KDM2A: variants seen among roughly 807,000 people sequenced by gnomAD.
KDM2A encodes the protein lysine-specific demethylase 2A.
Under a neutral mutation model 137.3 loss-of-function variants are expected in KDM2A, and 3 were observed. The ratio of observed to expected loss-of-function variants is 0.02; its 90% CI spans 0.01 to 0.06. The LOEUF is 0.06. Among genes scored for constraint, KDM2A ranks in the 10% least tolerant of loss-of-function variants. KDM2A has a pLI of 1.00. For missense variants in KDM2A, 738 were observed against 1,510.6 expected (o/e 0.49, Z 8.48); for synonymous variants, 512 against 541.5 (o/e 0.95, Z 0.76).
intron 2 of KDM2A, among the ~76,000 whole-genome samples, chr11:67,135,194 G>A (rs896344669): frequency 2.0e-5 from 3 of 151,764 alleles, no homozygotes; most frequent in African/African-American, 4.8e-5. Flanking sequence ...TCAGCCTCCC[G>A]AGTAGCTGGG....
rs1404968866 is a variant in KDM2A, at chr11:67,213,950, C to A, written c.487-1390C>A. 5.3e-5 allele frequency among the ~76,000 whole-genome samples: 8 copies of A among 152,190 alleles called. 1 individual carries two copies. The highest frequency in any genetic ancestry group is 4.8e-5 in the African/African-American group (2 of 41,530). On this transcript the variant is annotated intron_variant, in intron 6 of 20. Coordinates refer to ENST00000529006, the MANE Select transcript of KDM2A (RefSeq NM_012308.3). ...TGATCGTAGCTTACTGCAGCCTCAA[C>A]CTCCTGGGTTTAAGCAAACCTCCCA...
At chr11:67,242,696 G>A (rs1243747132) in intron 12 of KDM2A, among the ~76,000 whole-genome samples, 2 of 152,064 alleles carry the variant, frequency 1.3e-5, no homozygotes, top group Non-Finnish European at 2.9e-5. Context: ...AGTAGAGATG[G>A]GTCTTGCTGT....
rs1208777707 is a variant in KDM2A, at chr11:67,202,783, AAAAAG to A, written c.308-4718_308-4714del. Among the ~76,000 whole-genome samples, 420 of 151,912 alleles carry A rather than the reference AAAAAG, an allele frequency of 2.8e-3. 1 individual carries two copies. Among genetic ancestry groups the A allele is most frequent in the Non-Finnish European group, 5.3e-3 (360 of 67,944 alleles). On this transcript the variant is annotated intron_variant, in intron 5 of 20. Transcript: ENST00000529006. ...AGAGCGAGACTTCGTCTCAAAAAAA[AAAAAG>A]AAAAGAAATTGTCGACCCGAGAAAC...
chr11:67,255,763 G>A lies in KDM2A; in HGVS notation c.*708G>A, dbSNP rs1451327571. Reference sequence around the variant, plus strand: ...CCTTATTGCACTTATTGGGGTTGAAGCTCTTCAGAGGAGCTGGAACTGTCT... The same window carrying A: ...CCTTATTGCACTTATTGGGGTTGAAACTCTTCAGAGGAGCTGGAACTGTCT... On this transcript the variant is annotated 3_prime_UTR_variant, in exon 21 of 21. Transcript: ENST00000529006. The A allele has an allele frequency of 2.6e-5, 9 of 350,862 alleles. No homozygotes were observed. The East Asian group carries it at 7.0e-4, about 27-fold the overall frequency. 21.7% of individuals were successfully genotyped at this position (350,862 alleles called of 1,614,324 possible).
intron 2 of KDM2A, among the ~76,000 whole-genome samples, chr11:67,126,494 G>A (rs1323827071): frequency 1.3e-5 from 2 of 151,866 alleles, no homozygotes; most frequent in Non-Finnish European, 2.9e-5. Context: ...GATCACCTGA[G>A]GTCAGCAGTT....
At chr11:67,195,484 T>C (rs1441039654) in intron 5 of KDM2A, 1 of 152,096 alleles carries the variant, frequency 6.6e-6, no homozygotes, top group Non-Finnish European at 1.5e-5. Flanking sequence ...ATTTTCCAAA[T>C]TTTATGCCAT....
chr11:67,161,438 A>G (rs1464783676), intron 2 of KDM2A, among the ~76,000 whole-genome samples: 3 of 152,220 alleles, frequency 2.0e-5, no homozygotes, highest in African/African-American at 7.2e-5. Context: ...TAGGAAAATT[A>G]GTATGTTGTA....
At chr11:67,231,479 C>T (rs771947236) in intron 11 of KDM2A, 87 bp from the exon 12 acceptor site, 22 of 1,227,366 alleles carry the variant, frequency 1.8e-5, no homozygotes, top group Admixed American at 1.4e-4. Flanking sequence ...TTTATAGCCT[C>T]AAGGCCCCTA....
intron 2 of KDM2A, among the ~76,000 whole-genome samples, chr11:67,127,563 A>G (rs1479405441): frequency 6.6e-6 from 1 of 152,140 alleles, no homozygotes; most frequent in Non-Finnish European, 1.5e-5. Flanking sequence ...TATAATTATG[A>G]AATAGCTAAA....
chr11:67,210,824 G>A (rs1857955526), intron 6 of KDM2A, among the ~76,000 whole-genome samples: 1 of 152,130 alleles, frequency 6.6e-6, no homozygotes, highest in Non-Finnish European at 1.5e-5. Context: ...TAATGGAAAA[G>A]TATCGACCAG....
intron 2 of KDM2A, among the ~76,000 whole-genome samples, chr11:67,126,554 A>G (rs749133992): frequency 1.3e-4 from 19 of 151,308 alleles, no homozygotes; most frequent in Non-Finnish European, 2.7e-4. Flanking sequence ...CTAAAAATAC[A>G]AAAATTAGCC....
intron 15 of KDM2A, among the ~76,000 whole-genome samples, chr11:67,247,070 T>TATA (rs1565424262): frequency 1.4e-4 from 3 of 22,022 alleles, no homozygotes; most frequent in African/African-American, 5.1e-4. Flanking sequence ...TATATATATA[T>TATA]ATTTTTTTTT....
At chr11:67,126,780 C>T (rs547638781) in intron 2 of KDM2A, among the ~76,000 whole-genome samples, 1 of 151,530 alleles carries the variant, frequency 6.6e-6, no homozygotes, top group Non-Finnish European at 1.5e-5. Flanking sequence ...AAGAAATGCA[C>T]CTTTGAAGAT....
In KDM2A at chr11:67,199,689, T is replaced by C. The variant is rs556383890; in HGVS notation, c.308-7821T>C. Among the ~76,000 whole-genome samples, 27 of 152,350 alleles carry C rather than the reference T, an allele frequency of 1.8e-4. No homozygotes were observed. The South Asian group carries it at 4.6e-3, about 26-fold the overall frequency. ...GGTTTATGAAGTTTAAGAAACCATC[T>C]TTGTAACAATGAAGTGCAAGGTAAA... On this transcript the variant is annotated intron_variant, in intron 5 of 20. Transcript: ENST00000529006.
intron 2 of KDM2A, among the ~76,000 whole-genome samples, chr11:67,139,154 C>G (rs2136291507): frequency 6.6e-6 from 1 of 152,234 alleles, no homozygotes; most frequent in South Asian, 2.1e-4. Flanking sequence ...ATTACTACGC[C>G]CTTCCTGGTG....
chr11:67,232,986 G>A (rs1394611747), intron 12 of KDM2A, among the ~76,000 whole-genome samples: 10 of 151,870 alleles, frequency 6.6e-5, no homozygotes, highest in African/African-American at 2.2e-4. Context: ...CTGGGATTAC[G>A]GGCATGAGCC....
rs538407848 is a variant in KDM2A, at chr11:67,256,980, G to A, written c.*1925G>A. 133 of 152,738 alleles carry A rather than the reference G, an allele frequency of 8.7e-4. 2 individuals are homozygous for A. Among genetic ancestry groups the A allele is most frequent in the Admixed American group, 8.2e-3 (125 of 15,302 alleles). 9.5% of individuals were successfully genotyped at this position (152,738 alleles called of 1,614,324 possible). A position where few individuals can be genotyped will look rare whatever the true frequency, so the allele number is the denominator to read the frequency against. On this transcript the variant is annotated 3_prime_UTR_variant, in exon 21 of 21. Coordinates refer to ENST00000529006, the MANE Select transcript of KDM2A (RefSeq NM_012308.3). ...GTGCCTCAGTTAGGGGAACTTCTCT[G>A]TAAAGAACCCTGGGTATTGAGCAAA...
In KDM2A at chr11:67,250,483, A is replaced by C; in HGVS notation, c.2453A>C (p.Lys818Thr). 1 of 1,614,052 alleles carries C rather than the reference A, an allele frequency of 6.2e-7. No homozygotes were observed. Among genetic ancestry groups the C allele is most frequent in the Non-Finnish European group, 8.5e-7 (1 of 1,179,888 alleles). The change falls in exon 17 of 21, where the codon AAG (lysine) becomes ACG (threonine). Residue 818 changes from lysine (K) to threonine (T), a missense_variant. This residue lies in a region of KDM2A where 244 missense variants were observed against 324.6 expected (regional missense o/e 0.75). Coordinates refer to ENST00000529006, the MANE Select transcript of KDM2A (RefSeq NM_012308.3). The surrounding 1 kb of genome is among the most constrained non-coding windows in gnomAD (Gnocchi z 7.1). The stretch of plus-strand genomic sequence containing the variant: ...CTCCACGGGACATCCATTGTGCCCA[A>C]GCTGCAGGCCATCACGGCCTCCTCT... ...KELHGTSIVPKLQAITASSAN... is the reference protein window; with the variant it reads ...KELHGTSIVPTLQAITASSAN...
intron 2 of KDM2A, 117 bp from the exon 3 acceptor site, chr11:67,179,962 G>T: frequency 1.0e-6 from 1 of 988,236 alleles, no homozygotes; most frequent in Non-Finnish European, 1.5e-6. Context: ...CATAAGGCAA[G>T]GAAAATAGCA....
Sources: gnomAD v4.1 joint callset for allele counts (sites outside exome capture counted in the v4.1 genomes callset) on GRCh38, gnomAD v4.1.1 for gene constraint, gnomAD v4.1.1 regional missense constraint, Gnocchi (gnomAD v3.1) non-coding constraint, MANE v1.5 for transcripts, NCBI Gene and HGNC (gene_info 2026-07-23, HGNC 2026-07-21) for gene names.